Variants in GMPPA observed in about 807,000 individuals in gnomAD.
GMPPA encodes mannose-1-phosphate guanylyltransferase regulatory subunit alpha.
In GMPPA, 46 loss-of-function variants were observed where a neutral mutation model predicts 58.6. That is an observed-to-expected ratio of 0.78 (90% confidence interval 0.62 to 1.00). The LOEUF (loss-of-function observed/expected upper bound fraction) is 1.00. Among genes scored for constraint, GMPPA ranks in the 50% least tolerant of loss-of-function variants. The pLI, the probability that GMPPA is intolerant of heterozygous loss-of-function variation, is 0.00. For synonymous variants in GMPPA, 211 were observed against 214.9 expected, an observed-to-expected ratio of 0.98 and a Z score of 0.16; for missense variants, 468 against 556.4, an observed-to-expected ratio of 0.84 and a Z score of 1.60.
At chr2:219,506,229 TA>T in intron 11 of GMPPA, 24 bp from the exon 12 acceptor site, 1 of 1,589,414 alleles carries the variant, frequency 6.3e-7, no homozygotes, top group Non-Finnish European at 8.6e-7. Flanking sequence ...CTCTTCCCCT[TA>T]CCTTTCACTG....
At chr2:219,506,586 A>T in intron 12 of GMPPA, 112 bp from the exon 13 acceptor site, 1 of 961,910 alleles carries the variant, frequency 1.0e-6, no homozygotes, top group Non-Finnish European at 1.6e-6. Flanking sequence ...GGGGCATGAG[A>T]CCAGGGGCAC....
chr2:219,505,086 C>T (rs1575226058), intron 7 of GMPPA, 142 bp from the exon 8 acceptor site: 1 of 1,005,994 alleles, frequency 9.9e-7, no homozygotes, highest in East Asian at 2.6e-5. Context: ...AGCCACATCC[C>T]AGAGAGGGCC....
At chr2:219,500,417 C>A in intron 3 of GMPPA, 199 bp downstream of exon 3, 1 of 593,582 alleles carries the variant, frequency 1.7e-6, no homozygotes, top group Non-Finnish European at 3.0e-6. Flanking sequence ...CTCATCTGGC[C>A]TCTTCCTGCT....
At chr2:219,503,578 G>C (rs192953956) in intron 6 of GMPPA, among the ~76,000 whole-genome samples, 2 of 152,318 alleles carry the variant, frequency 1.3e-5, no homozygotes, top group East Asian at 3.9e-4. Context: ...TGCAGTCCCT[G>C]CCTCTTGGTT....
chr2:219,501,663 C>T, intron 4 of GMPPA, 84 bp downstream of exon 4: 1 of 977,232 alleles, frequency 1.0e-6, no homozygotes, highest in South Asian at 1.3e-5. Flanking sequence ...TCAGCATTTG[C>T]TGGAGTTCAT....
At chr2:219,503,955 C>T in intron 6 of GMPPA, 128 bp from the exon 7 acceptor site, 6 of 943,516 alleles carry the variant, frequency 6.4e-6, no homozygotes, top group Non-Finnish European at 1.7e-6. Flanking sequence ...TGCGGATGCG[C>T]ACTGCATTTT....
Position 219,502,076 on chromosome 2 carries a change from G to T in GMPPA, c.429+39G>T. 6.3e-7 allele frequency: 1 copy of T among 1,596,266 alleles called. No homozygotes were observed. The highest frequency in any genetic ancestry group is 8.6e-7 in the Non-Finnish European group (1 of 1,167,042). On this transcript the variant is annotated intron_variant, in intron 5 of 12. Coordinates refer to ENST00000313597, the MANE Select transcript of GMPPA (RefSeq NM_013335.4). The surrounding 1 kb of genome is among the most constrained non-coding windows in gnomAD (Gnocchi z 4.0). ...GAGGGCTGGAGGGTGTAGAGGAGGT[G>T]ATCCCAAGAGCTTCCCGGAATTCAG... is the stretch of plus-strand genomic sequence containing the variant.
rs367640773 is a variant in GMPPA, at chr2:219,505,357, C to A, written c.750C>A (p.Ser250=). Residue 250 remains serine (S), a synonymous_variant, in exon 8 of 13, where the codon TCC becomes TCA. Coordinates refer to ENST00000313597, the MANE Select transcript of GMPPA (RefSeq NM_013335.4). Reference sequence around the variant, plus strand: ...ATGGTATCTGGAGTCAGATCAAGTCCGCAGGGTATGGAAGGCTGGGTCCCC... The same window carrying A: ...ATGGTATCTGGAGTCAGATCAAGTCAGCAGGGTATGGAAGGCTGGGTCCCC... ...LTDGIWSQIK[S]AGSALYASRL... 2 of 1,613,676 alleles carry A rather than the reference C, an allele frequency of 1.2e-6. No individual in the cohort carries two copies. The highest frequency in any genetic ancestry group is 1.7e-6 in the Non-Finnish European group (2 of 1,179,912).
At position 219,502,818 on chromosome 2, in the gene GMPPA, T is replaced by C. The variant is rs1205643312; in HGVS notation, c.489+377T>C. Among the ~76,000 whole-genome samples the C allele has an allele frequency of 2.6e-5, 4 of 151,966 alleles. No individual in the cohort carries two copies. Among genetic ancestry groups the C allele is most frequent in the Non-Finnish European group, 4.4e-5 (3 of 67,956 alleles). On this transcript the variant is annotated intron_variant, in intron 6 of 12. Transcript: ENST00000313597. The surrounding 1 kb of genome is among the most constrained non-coding windows in gnomAD (Gnocchi z 4.0). ...TACTACAGGCAGAGGGAATGGCAGG[T>C]ATAAAGGCCTGGAGGCAGGAAGTAA... is the stretch of plus-strand genomic sequence containing the variant.
intron 3 of GMPPA, 139 bp downstream of exon 3, chr2:219,500,357 C>T: frequency 1.5e-6 from 1 of 661,042 alleles, no homozygotes; most frequent in Admixed American, 2.2e-5. Context: ...AATGGCGCCC[C>T]CTCAAGTTAT....
Position 219,502,346 on chromosome 2 carries a change from A to C in GMPPA, c.430-36A>C. 2.5e-6 allele frequency: 4 copies of C among 1,588,684 alleles called. No homozygotes were observed. The highest frequency in any genetic ancestry group is 3.5e-6 in the Non-Finnish European group (4 of 1,156,872). On this transcript the variant is annotated intron_variant, in intron 5 of 12. Transcript: ENST00000313597. The surrounding 1 kb of genome is among the most constrained non-coding windows in gnomAD (Gnocchi z 4.0). ...AAAACAGACGTGGCTGCCCTGGAGC[A>C]GGCGGGTCACTGTCTCGGGTGTGTC...
Position 219,506,365 on chromosome 2 carries a change from A to G in GMPPA, c.1105A>G (p.Met369Val), listed in dbSNP as rs200549556. Residue 369 changes from methionine to valine, a missense_variant, in exon 12 of 13, where the codon ATG becomes GTG. Coordinates refer to ENST00000313597, the MANE Select transcript of GMPPA (RefSeq NM_013335.4). ...TAACCCCAACGATCCCCGAGCCCGC[A>G]TGGACAGTGAGAGCCTCTTCAAGGA... ...DPNPNDPRAR[M>V]DSESLFKDGK... is the part of the protein sequence containing the mutation. 3.0e-4 allele frequency: 484 copies of G among 1,613,732 alleles called. No homozygotes were observed. Among genetic ancestry groups the G allele is most frequent in the Non-Finnish European group, 3.9e-4 (460 of 1,180,014 alleles).
chr2:219,505,693 A>G (rs1318054045), intron 9 of GMPPA, 22 bp from the exon 10 acceptor site: 1 of 1,612,810 alleles, frequency 6.2e-7, no homozygotes, highest in Non-Finnish European at 8.5e-7. Flanking sequence ...ATTTGCCCCC[A>G]GGGCCTCTCT....
rs542078432 is a variant in GMPPA at position 219,502,122 on chromosome 2, G to A, written c.429+85G>A. The A allele has an allele frequency of 1.2e-5, 17 of 1,385,124 alleles. No individual in the cohort carries two copies. The highest frequency in any genetic ancestry group is 1.1e-4 in the African/African-American group (8 of 70,630). The allele number at this position is 1,385,124 out of a possible 1,614,324, so 85.8% of individuals were successfully genotyped here. On this transcript the variant is annotated intron_variant, in intron 5 of 12. Transcript: ENST00000313597. The surrounding 1 kb of genome is among the most constrained non-coding windows in gnomAD (Gnocchi z 4.0). Reference sequence around the variant, plus strand: ...TTCAGGGTGTTGGGGAGGCAGGGGCGCCCCGGGAGTTGGTGTGGGAGCTGG... The same window carrying A: ...TTCAGGGTGTTGGGGAGGCAGGGGCACCCCGGGAGTTGGTGTGGGAGCTGG...
chr2:219,504,907 A>G, intron 7 of GMPPA: 5 of 1,128,698 alleles, frequency 4.4e-6, no homozygotes, highest in African/African-American at 1.6e-5. Context: ...AATGAGGGGG[A>G]GGGTAACTTG....
Position 219,502,464 on chromosome 2 carries a change from G to A in GMPPA, c.489+23G>A. On this transcript the variant is annotated intron_variant, in intron 6 of 12. Coordinates refer to ENST00000313597, the MANE Select transcript of GMPPA (RefSeq NM_013335.4). This position sits in a 1 kb window ranked among gnomAD's most constrained non-coding sequence, Gnocchi z 4.0. ...GAGGTGAGAGCAGAGTGGGGGCTGG[G>A]TGGGTGCCTACTCTGTGTCATCATC... 6.3e-7 allele frequency: 1 copy of A among 1,598,718 alleles called. No homozygotes were observed. The highest frequency in any genetic ancestry group is 1.1e-5 in the South Asian group (1 of 90,640).
Position 219,502,164 on chromosome 2 carries a change from C to T in GMPPA, c.429+127C>T, listed in dbSNP as rs1287170679. The T allele has an allele frequency of 6.1e-6, 6 of 989,136 alleles. No individual in the cohort carries two copies. The highest frequency in any genetic ancestry group is 5.8e-5 in the Admixed American group (3 of 51,736). 61.3% of individuals were successfully genotyped at this position (989,136 alleles called of 1,614,324 possible). On this transcript the variant is annotated intron_variant, in intron 5 of 12. Coordinates refer to ENST00000313597, the MANE Select transcript of GMPPA (RefSeq NM_013335.4). This position sits in a 1 kb window ranked among gnomAD's most constrained non-coding sequence, Gnocchi z 4.0. Reference sequence around the variant, plus strand: ...GGGAGCTGGCGTCAGGAGGGAGATGCGCTGCTCTGGCAGCATGGAGGTGTT... The same window carrying T: ...GGGAGCTGGCGTCAGGAGGGAGATGTGCTGCTCTGGCAGCATGGAGGTGTT...
At position 219,506,955 on chromosome 2, in the gene GMPPA, C is replaced by T. The variant is rs1694616900; in HGVS notation, c.*157C>T. Reference sequence around the variant, plus strand: ...GCCTGGGGACTCCTGGGTTTTCTCCCTCCCGACTCCCTAATAAACCCCGTG... The same window carrying T: ...GCCTGGGGACTCCTGGGTTTTCTCCTTCCCGACTCCCTAATAAACCCCGTG... On this transcript the variant is annotated 3_prime_UTR_variant, in exon 13 of 13. Coordinates refer to ENST00000313597, the MANE Select transcript of GMPPA (RefSeq NM_013335.4). The T allele has an allele frequency of 1.6e-6, 1 of 616,908 alleles. No homozygotes were observed. The highest frequency in any genetic ancestry group is 2.9e-6 in the Non-Finnish European group (1 of 343,584). The allele number at this position is 616,908 out of a possible 1,614,324, so 38.2% of individuals were successfully genotyped here.
chr2:219,505,069 T>C (rs897513169), intron 7 of GMPPA, 159 bp from the exon 8 acceptor site: 23 of 900,774 alleles, frequency 2.6e-5, no homozygotes, highest in Admixed American at 2.9e-5. Context: ...GTTCCTGGGA[T>C]GTGAGCAGCC....
Sources: gnomAD v4.1 joint callset for allele counts (sites outside exome capture counted in the v4.1 genomes callset) on GRCh38, gnomAD v4.1.1 for gene constraint, Gnocchi (gnomAD v3.1) non-coding constraint, MANE v1.5 for transcripts, NCBI Gene and HGNC (gene_info 2026-07-23, HGNC 2026-07-21) for gene names.